NOL12: variants seen among roughly 807,000 people sequenced by gnomAD.
The protein encoded by NOL12 is nucleolar protein 12.
NOL12 carries 21 observed loss-of-function variants against 25.2 expected under a neutral mutation model. That is an observed-to-expected ratio of 0.83 (90% CI 0.59 to 1.20). NOL12 has a LOEUF of 1.20. Ranked by LOEUF, NOL12 falls within the 50% of genes most tolerant of loss-of-function variation. The probability of loss-of-function intolerance (pLI) is 0.00; values close to 1 mark genes in which losing one functional copy is unlikely to be tolerated. For missense variants in NOL12, 286 were observed against 287.6 expected, an observed-to-expected ratio of 0.99 and a Z score of 0.04; for synonymous variants, 133 against 113.8, an observed-to-expected ratio of 1.17 and a Z score of -1.08.
At chr22:37,688,467 G>A in intron 3 of NOL12, 107 bp downstream of exon 3, 1 of 1,235,656 alleles carries the variant, frequency 8.1e-7, no homozygotes, top group Admixed American at 1.8e-5. Flanking sequence ...AGGGATCTTG[G>A]GGGGTACCCT....
rs1922053346 is a variant in NOL12 at position 37,691,268 on chromosome 22, A to G, written c.574A>G (p.Arg192Gly). The G allele has an allele frequency of 6.2e-7, 1 of 1,614,034 alleles. No homozygotes were observed. Among genetic ancestry groups the G allele is most frequent in the East Asian group, 2.2e-5 (1 of 44,884 alleles). Residue 192 changes from arginine to glycine, a missense_variant, in exon 6 of 6, where the codon AGG becomes GGG. By Grantham distance (125) the Arg-to-Gly change is moderately radical. Coordinates refer to ENST00000359114, the MANE Select transcript of NOL12 (RefSeq NM_024313.3). ...GGCCCAGGACTCCAAAAAGCCCCCAAGGGCCCCTCGTACCAGCAAGGCCCA... is the reference window on the plus strand; with the variant it reads ...GGCCCAGGACTCCAAAAAGCCCCCAGGGGCCCCTCGTACCAGCAAGGCCCA... ...RRAQDSKKPP[R>G]APRTSKAQRR...
Position 37,693,282 on chromosome 22 carries a change from A to G in NOL12, c.*1946A>G, listed in dbSNP as rs1376622173. On this transcript the variant is annotated 3_prime_UTR_variant, in exon 6 of 6. Coordinates refer to ENST00000359114, the MANE Select transcript of NOL12 (RefSeq NM_024313.3). Reference sequence around the variant, plus strand: ...CCTCTTAGGGCTGCCCCGAGACTAAAATAAGACCATGTGCATGAACCACTT... The same window carrying G: ...CCTCTTAGGGCTGCCCCGAGACTAAGATAAGACCATGTGCATGAACCACTT... 2 of 152,394 alleles carry G rather than the reference A, an allele frequency of 1.3e-5. No homozygotes were observed. Among genetic ancestry groups the G allele is most frequent in the African/African-American group, 2.4e-5 (1 of 41,438 alleles). 9.4% of individuals were successfully genotyped at this position (152,394 alleles called of 1,614,324 possible). A position where few individuals can be genotyped will look rare whatever the true frequency, so the allele number is the denominator to read the frequency against.
Position 37,690,760 on chromosome 22 carries a change from C to T in NOL12, c.445C>T (p.Pro149Ser). The change falls in exon 5 of 6, where the codon CCC becomes TCC. Residue 149 changes from proline (P) to serine (S), a missense_variant. Transcript: ENST00000359114. ...CACGGAGAAACCAACCAAAGCCTTG[C>T]CCAGGAAGTCCAGAGACCCCCTGCT... ...SSTEKPTKALPRKSRDPLLSQ... is the reference protein window; with the variant it reads ...SSTEKPTKALSRKSRDPLLSQ... 6.2e-7 allele frequency: 1 copy of T among 1,613,886 alleles called. No individual in the cohort carries two copies. Among genetic ancestry groups the T allele is most frequent in the Non-Finnish European group, 8.5e-7 (1 of 1,179,830 alleles).
In NOL12 at chr22:37,692,922, G is replaced by A. The variant is rs754515858; in HGVS notation, c.*1586G>A. On this transcript the variant is annotated 3_prime_UTR_variant, in exon 6 of 6. Transcript: ENST00000359114. ...TGGTGGGAGTCTGAGGGCTGCACCC[G>A]GGTATGGTGAGTTCCCCTCAGGGAT... The A allele has an allele frequency of 3.2e-4, 126 of 390,038 alleles. 1 individual carries two copies. The highest frequency in any genetic ancestry group is 4.8e-4 in the Non-Finnish European group (106 of 220,906). 24.2% of individuals were successfully genotyped at this position (390,038 alleles called of 1,614,324 possible). A position where few individuals can be genotyped will look rare whatever the true frequency, so the allele number is the denominator to read the frequency against.
chr22:37,691,140 C>T (rs1213918548), intron 5 of NOL12, 34 bp from the exon 6 acceptor site: 6 of 1,568,756 alleles, frequency 3.8e-6, no homozygotes. Context: ...CCCCACAATG[C>T]AATCTTAAAC....
chr22:37,688,809 C>T (rs1337097681), intron 3 of NOL12, 41 bp from the exon 4 acceptor site: 17 of 1,611,002 alleles, frequency 1.1e-5, no homozygotes, highest in Admixed American at 6.7e-5. Flanking sequence ...CCTGGTCACT[C>T]GTTCCCGTGA....
rs1004193388 is a variant in NOL12, at chr22:37,692,347, C to T, written c.*1011C>T. 1.0e-5 allele frequency: 4 copies of T among 396,338 alleles called. No homozygotes were observed. The highest frequency in any genetic ancestry group is 8.2e-5 in the African/African-American group (4 of 48,546). 24.6% of individuals were successfully genotyped at this position (396,338 alleles called of 1,614,324 possible). A position where few individuals can be genotyped will look rare whatever the true frequency, so the allele number is the denominator to read the frequency against. On this transcript the variant is annotated 3_prime_UTR_variant, in exon 6 of 6. Transcript: ENST00000359114. ...ACTCCAGCCTGGGCAACGTTGTGAC[C>T]TTGTCTCAAAAAAAAACTAAAAAAT...
Position 37,691,365 on chromosome 22 carries a change from A to G in NOL12, c.*29A>G, listed in dbSNP as rs372701025. The G allele has an allele frequency of 2.5e-6, 4 of 1,579,228 alleles. No individual in the cohort carries two copies. In the African/African-American group the frequency reaches 5.4e-5, roughly 21 times the overall value. On this transcript the variant is annotated 3_prime_UTR_variant, in exon 6 of 6. Coordinates refer to ENST00000359114, the MANE Select transcript of NOL12 (RefSeq NM_024313.3). ...CGAGAACGAAGCGGTGCCCCAGTCT[A>G]GGCTGCGGGGACCTGTCCTTGCTCA...
chr22:37,686,653 C>T (rs1921828922), intron 1 of NOL12, 178 bp downstream of exon 1: 6 of 985,346 alleles, frequency 6.1e-6, no homozygotes, highest in Non-Finnish European at 7.2e-6. Context: ...CCGCCACCTT[C>T]TCCCTTCTTG....
chr22:37,692,447 A>C lies in NOL12; in HGVS notation c.*1111A>C. 2.5e-6 allele frequency: 1 copy of C among 398,684 alleles called. No individual in the cohort carries two copies. The highest frequency in any genetic ancestry group is 4.4e-6 in the Non-Finnish European group (1 of 226,098). 24.7% of individuals were successfully genotyped at this position (398,684 alleles called of 1,614,324 possible). On this transcript the variant is annotated 3_prime_UTR_variant, in exon 6 of 6. Coordinates refer to ENST00000359114, the MANE Select transcript of NOL12 (RefSeq NM_024313.3). ...CCCTGCGGGTGCCAGCTAGAACTCC[A>C]CAAGGGGCCATGTCTTCACACTCCT...
chr22:37,688,039 G>A, intron 2 of NOL12, 24 bp downstream of exon 2: 1 of 1,295,268 alleles, frequency 7.7e-7, no homozygotes, highest in Non-Finnish European at 1.1e-6. Flanking sequence ...AGGTGGGAGG[G>A]AGGTCTTTGA....
In NOL12 at chr22:37,688,869, C is replaced by T. The variant is rs1316820852; in HGVS notation, c.258C>T (p.Asp86=). Residue 86 remains aspartate, a synonymous_variant, in exon 4 of 6, where the codon GAC becomes GAT. Transcript: ENST00000359114. ...EEALEEADEL[D]RLVTAKTESV... Reference sequence around the variant, plus strand: ...CCACAGAGGAGGCAGATGAGCTGGACCGGTTGGTGACAGCAAAGACGGAGT... The same window carrying T: ...CCACAGAGGAGGCAGATGAGCTGGATCGGTTGGTGACAGCAAAGACGGAGT... The T allele has an allele frequency of 6.2e-7, 1 of 1,614,060 alleles. No individual in the cohort carries two copies. The highest frequency in any genetic ancestry group is 8.5e-7 in the Non-Finnish European group (1 of 1,180,020).
chr22:37,691,460 A>T lies in NOL12; in HGVS notation c.*124A>T. On this transcript the variant is annotated 3_prime_UTR_variant, in exon 6 of 6. Transcript: ENST00000359114. ...CACAGCTCAAGGTTGGGAAGCCAGGACCTCTCTGGCCTGGGGCCAGCTGCC... is the reference window on the plus strand; with the variant it reads ...CACAGCTCAAGGTTGGGAAGCCAGGTCCTCTCTGGCCTGGGGCCAGCTGCC... 8.7e-7 allele frequency: 1 copy of T among 1,151,080 alleles called. No homozygotes were observed. The highest frequency in any genetic ancestry group is 1.2e-6 in the Non-Finnish European group (1 of 863,338). The allele number at this position is 1,151,080 out of a possible 1,614,324, so 71.3% of individuals were successfully genotyped here.
At chr22:37,689,027 G>A (rs770539315) in intron 4 of NOL12, 35 bp downstream of exon 4, 21 of 1,603,700 alleles carry the variant, frequency 1.3e-5, no homozygotes, top group East Asian at 4.5e-5. Context: ...AGGAAGGGGC[G>A]TGGGGGCAGA....
In NOL12 at chr22:37,693,048, G is replaced by T. The variant is rs1470060909; in HGVS notation, c.*1712G>T. ...GGCATGTGCCACTTGGCTGCCTCGTGCCTGGGCACAGTGGTGCCTATTATG... is the reference window on the plus strand; with the variant it reads ...GGCATGTGCCACTTGGCTGCCTCGTTCCTGGGCACAGTGGTGCCTATTATG... On this transcript the variant is annotated 3_prime_UTR_variant, in exon 6 of 6. Transcript: ENST00000359114. 8.9e-6 allele frequency: 2 copies of T among 225,658 alleles called. No individual in the cohort carries two copies. Among genetic ancestry groups the T allele is most frequent in the Non-Finnish European group, 1.7e-5 (2 of 115,840 alleles). 14.0% of individuals were successfully genotyped at this position (225,658 alleles called of 1,614,324 possible). A position where few individuals can be genotyped will look rare whatever the true frequency, so the allele number is the denominator to read the frequency against.
chr22:37,689,220 G>T (rs1921958272), intron 4 of NOL12, among the ~76,000 whole-genome samples: 1 of 152,362 alleles, frequency 6.6e-6, no homozygotes, highest in East Asian at 1.9e-4. Context: ...CCGGGGTGCT[G>T]CAAAGACCAG....
chr22:37,690,877 G>A, intron 5 of NOL12, 83 bp downstream of exon 5: 1 of 1,035,988 alleles, frequency 9.7e-7, no homozygotes, highest in Non-Finnish European at 1.5e-6. Context: ...TGTGGAGCAG[G>A]TGTAGGGCCC....
Position 37,686,599 on chromosome 22 carries a change from C to T in NOL12, c.83+124C>T, listed in dbSNP as rs971369280. The T allele has an allele frequency of 1.6e-4, 216 of 1,380,418 alleles. 3 individuals are homozygous for T. The South Asian group carries it at 3.4e-3, about 22-fold the overall frequency. 85.5% of individuals were successfully genotyped at this position (1,380,418 alleles called of 1,614,324 possible). ...CCGCCCCCTGGCGTGGCTAGAGAACCCCTCTCGGCCTTCCAGCCCGCGTTC... is the reference window on the plus strand; with the variant it reads ...CCGCCCCCTGGCGTGGCTAGAGAACTCCTCTCGGCCTTCCAGCCCGCGTTC... On this transcript the variant is annotated intron_variant, in intron 1 of 5. Coordinates refer to ENST00000359114, the MANE Select transcript of NOL12 (RefSeq NM_024313.3).
In NOL12 at chr22:37,691,247, C is replaced by T; in HGVS notation, c.553C>T (p.Gln185Ter). 1 of 1,614,110 alleles carries T rather than the reference C, an allele frequency of 6.2e-7. No homozygotes were observed. Among genetic ancestry groups the T allele is most frequent in the Non-Finnish European group, 8.5e-7 (1 of 1,179,994 alleles). The change falls in exon 6 of 6, where the codon CAG (glutamine) becomes TAG (stop). Residue 185 changes from glutamine to a stop codon, truncating the protein, a stop_gained. Coordinates refer to ENST00000359114, the MANE Select transcript of NOL12 (RefSeq NM_024313.3). LOFTEE classifies it high-confidence loss of function. ...CAAGAGGAAACATCCCCGACGGGCC[C>T]AGGACTCCAAAAAGCCCCCAAGGGC... ...KVKRKHPRRA[Q>*]DSKKPPRAPR...
Sources: gnomAD v4.1 joint callset for allele counts (sites outside exome capture counted in the v4.1 genomes callset) on GRCh38, gnomAD v4.1.1 for gene constraint, MANE v1.5 for transcripts, NCBI Gene and HGNC (gene_info 2026-07-23, HGNC 2026-07-21) for gene names.